Variants in CRIM1 observed in about 807,000 individuals in gnomAD.
CRIM1 encodes the protein cysteine rich transmembrane BMP regulator 1, also known as cysteine-rich motor neuron 1 protein.
In CRIM1, 32 loss-of-function variants were observed where a neutral mutation model predicts 116.4. That is an observed-to-expected ratio of 0.27 (90% CI 0.21 to 0.37). The LOEUF (loss-of-function observed/expected upper bound fraction) is 0.37, where lower values mean the gene tolerates loss of function less well. Among genes scored for constraint, CRIM1 ranks in the 10% least tolerant of loss-of-function variants. The pLI is 1.00. For synonymous variants in CRIM1, 590 were observed against 509.2 expected, an observed-to-expected ratio of 1.16 and a Z score of -2.13; for missense variants, 1,331 against 1,354.8, an observed-to-expected ratio of 0.98 and a Z score of 0.28.
intron 1 of CRIM1, among the ~76,000 whole-genome samples, chr2:36,359,398 T>C (rs1353218868): frequency 6.6e-6 from 1 of 152,238 alleles, no homozygotes; most frequent in Non-Finnish European, 1.5e-5. Context: ...CAGTGTTTAC[T>C]CTCATACTGG....
chr2:36,376,857 A>G (rs1300467094), intron 1 of CRIM1, among the ~76,000 whole-genome samples: 1 of 152,218 alleles, frequency 6.6e-6, no homozygotes, highest in African/African-American at 2.4e-5. Context: ...AAAGACAGGT[A>G]TGTAAATACT....
At chr2:36,480,475 T>C (rs2125048348) in intron 7 of CRIM1, among the ~76,000 whole-genome samples, 1 of 152,354 alleles carries the variant, frequency 6.6e-6, no homozygotes, top group South Asian at 2.1e-4. Context: ...AATGAACTAA[T>C]GTGGATCAAA....
intron 4 of CRIM1, among the ~76,000 whole-genome samples, chr2:36,457,529 G>A (rs984953958): frequency 1.1e-4 from 16 of 152,110 alleles, no homozygotes; most frequent in African/African-American, 3.6e-4. Context: ...CAGTGTTAGG[G>A]GGTGTAAATG....
intron 2 of CRIM1, among the ~76,000 whole-genome samples, chr2:36,440,316 AC>A (rs1215711916): frequency 2.6e-5 from 4 of 152,270 alleles, no homozygotes; most frequent in African/African-American, 9.6e-5. Flanking sequence ...ATTAACACTT[AC>A]GGAAACATTG....
intron 7 of CRIM1, among the ~76,000 whole-genome samples, chr2:36,489,671 T>G (rs574391687): frequency 6.6e-6 from 1 of 152,310 alleles, no homozygotes; most frequent in South Asian, 2.1e-4. Context: ...TAAAGACAGT[T>G]TTTAGAAATA....
chr2:36,517,927 T>C (rs1665138191), intron 12 of CRIM1, among the ~76,000 whole-genome samples: 1 of 152,242 alleles, frequency 6.6e-6, no homozygotes, highest in East Asian at 1.9e-4. Flanking sequence ...TAGTTATTTA[T>C]AAATAATGTA....
intron 1 of CRIM1, chr2:36,379,330 C>A (rs1350753113): frequency 6.6e-6 from 1 of 152,210 alleles, no homozygotes; most frequent in South Asian, 2.1e-4. Flanking sequence ...TTCCTTCTTT[C>A]TCATGTTTCT....
rs140180360 is a variant in CRIM1, at chr2:36,457,773, AC to A, written c.870-6760del. On this transcript the variant is annotated intron_variant, in intron 4 of 16. Transcript: ENST00000280527. ...GCAGCCTTTAAAAAAAAAAAAACTT[AC>A]ACATTCCTGGAAAGAGTAAGAAATT... Among the ~76,000 whole-genome samples the A allele has an allele frequency of 2.1e-3, 323 of 152,220 alleles. 1 individual carries two copies. Among genetic ancestry groups the A allele is most frequent in the African/African-American group, 7.4e-3 (307 of 41,528 alleles).
chr2:36,430,243 G>A (rs919800515), intron 2 of CRIM1, among the ~76,000 whole-genome samples: 3 of 152,170 alleles, frequency 2.0e-5, no homozygotes, highest in African/African-American at 7.2e-5. Context: ...ATCTTGCCCT[G>A]GAAGATGGCT....
intron 4 of CRIM1, among the ~76,000 whole-genome samples, chr2:36,456,714 AACATTT>A (rs1210564859): frequency 6.6e-6 from 1 of 152,198 alleles, no homozygotes; most frequent in African/African-American, 2.4e-5. Flanking sequence ...TCCCAGCTGT[AACATTT>A]CAACAGGGGC....
At chr2:36,477,510 A>G (rs985733975) in intron 6 of CRIM1, among the ~76,000 whole-genome samples, 4 of 152,192 alleles carry the variant, frequency 2.6e-5, no homozygotes, top group African/African-American at 7.2e-5. Context: ...TAACTCTGCC[A>G]CTGTCGTAAT....
intron 12 of CRIM1, among the ~76,000 whole-genome samples, chr2:36,519,207 T>C (rs1187695132): frequency 6.6e-6 from 1 of 152,150 alleles, no homozygotes; most frequent in African/African-American, 2.4e-5. Context: ...CTTACTGAAC[T>C]CAGAGGTTCC....
intron 4 of CRIM1, among the ~76,000 whole-genome samples, chr2:36,444,118 A>T (rs1216367459): frequency 6.6e-6 from 1 of 152,210 alleles, no homozygotes; most frequent in Non-Finnish European, 1.5e-5. Flanking sequence ...TGGAGAACCT[A>T]ATTAATCAAA....
At chr2:36,496,033 T>C (rs140680105) in intron 7 of CRIM1, among the ~76,000 whole-genome samples, 147 of 152,244 alleles carry the variant, frequency 9.7e-4, no homozygotes, top group African/African-American at 3.4e-3. Flanking sequence ...ATGACTTCAA[T>C]TGAAATGCCA....
intron 4 of CRIM1, among the ~76,000 whole-genome samples, chr2:36,463,654 C>G (rs1677759982): frequency 6.6e-6 from 1 of 152,206 alleles, no homozygotes; most frequent in Non-Finnish European, 1.5e-5. Context: ...TGTGTCCTGC[C>G]TCTCTTTCAT....
intron 1 of CRIM1, among the ~76,000 whole-genome samples, chr2:36,394,624 C>CAT (rs3836082): frequency 1.1e-4 from 17 of 151,300 alleles, no homozygotes; most frequent in South Asian, 4.2e-4. Context: ...ATATATAAAA[C>CAT]ATATATATAT....
intron 11 of CRIM1, 85 bp from the exon 12 acceptor site, chr2:36,517,241 AT>A: frequency 9.8e-7 from 1 of 1,019,658 alleles, no homozygotes; most frequent in Non-Finnish European, 1.5e-6. Flanking sequence ...CATCTCTTCT[AT>A]CCCTTAAAGC....
intron 13 of CRIM1, among the ~76,000 whole-genome samples, chr2:36,533,278 G>C (rs1197792605): frequency 6.6e-6 from 1 of 152,072 alleles, no homozygotes; most frequent in African/African-American, 2.4e-5. Flanking sequence ...AGGAGACAGT[G>C]TATCTAGGAA....
At chr2:36,409,222 T>C (rs1209988293) in intron 2 of CRIM1, among the ~76,000 whole-genome samples, 1 of 152,192 alleles carries the variant, frequency 6.6e-6, no homozygotes, top group Non-Finnish European at 1.5e-5. Flanking sequence ...TTTTTCCCAC[T>C]ATGCCCTCCC....
Sources: allele counts gnomAD v4.1 joint callset (sites outside exome capture counted in the v4.1 genomes callset), GRCh38; gene constraint gnomAD v4.1.1; transcripts MANE v1.5; gene names NCBI Gene and HGNC (gene_info 2026-07-23, HGNC 2026-07-21).